AARS1: variants seen among roughly 807,000 people sequenced by gnomAD.
The protein encoded by AARS1 is alanyl-tRNA synthetase 1, also known as alanine--tRNA ligase, cytoplasmic.
A neutral mutation model predicts 108.9 loss-of-function variants in AARS1; 72 were observed. The ratio of observed to expected loss-of-function variants is 0.66; its 90% CI spans 0.55 to 0.80. The LOEUF is 0.80. AARS1 is among the 30% of genes least tolerant of loss of function. The probability of loss-of-function intolerance (pLI) is 0.00; values close to 1 mark genes in which losing one functional copy is unlikely to be tolerated. For synonymous variants in AARS1, 489 were observed against 465.7 expected (o/e 1.05, Z -0.64); for missense variants, 1,193 against 1,233.2 (o/e 0.97, Z 0.49).
chr16:70,272,889 G>GACACACACACACACACACACAC lies in AARS1; in HGVS notation c.480-939_480-918dup, dbSNP rs71928705. ...CATGCCACTGCACTCCAGCCTGGGT[G>GACACACACACACACACACACAC]ACACACACACACACACACACACACA... On this transcript the variant is annotated intron_variant, in intron 4 of 20. Coordinates refer to ENST00000261772, the MANE Select transcript of AARS1 (RefSeq NM_001605.3). Among the ~76,000 whole-genome samples, 185 of 140,380 alleles carry GACACACACACACACACACACAC rather than the reference G, an allele frequency of 1.3e-3. 1 individual carries two copies. The highest frequency in any genetic ancestry group is 3.5e-3 in the Middle Eastern group (1 of 282). The allele number at this position is 140,380 out of a possible 152,430, so 92.1% of individuals were successfully genotyped here.
intron 11 of AARS1, among the ~76,000 whole-genome samples, chr16:70,264,463 C>T (rs1002671257): frequency 6.6e-6 from 1 of 151,806 alleles, no homozygotes; most frequent in Admixed American, 6.6e-5. Flanking sequence ...ATTACAGGGG[C>T]ACGCCACCAC....
chr16:70,255,579 G>T, intron 16 of AARS1, 149 bp downstream of exon 16: 1 of 723,270 alleles, frequency 1.4e-6, no homozygotes, highest in South Asian at 1.5e-5. Flanking sequence ...GCCACTCAGG[G>T]GTAGGACACT....
At chr16:70,264,837 A>G in intron 11 of AARS1, 121 bp downstream of exon 11, 1 of 1,250,292 alleles carries the variant, frequency 8.0e-7, no homozygotes, top group Non-Finnish European at 1.2e-6. Context: ...GCGTGACTGT[A>G]CGGCACTCCA....
At chr16:70,265,714 T>C (rs947187542) in intron 9 of AARS1, 52 bp from the exon 10 acceptor site, 27 of 1,607,684 alleles carry the variant, frequency 1.7e-5, no homozygotes, top group Non-Finnish European at 2.3e-5. Flanking sequence ...CCCTTTTCCA[T>C]GCCAAGCCCT....
chr16:70,272,016 G>T, intron 4 of AARS1, 44 bp from the exon 5 acceptor site: 1 of 1,590,006 alleles, frequency 6.3e-7, no homozygotes, highest in East Asian at 2.2e-5. Context: ...CCCCTGACAA[G>T]AGTTCTGCCC....
intron 6 of AARS1, 55 bp downstream of exon 6, chr16:70,270,141 A>C: frequency 3.7e-6 from 6 of 1,604,272 alleles, no homozygotes; most frequent in Non-Finnish European, 5.1e-6. Flanking sequence ...CACTGTTAAG[A>C]GTACAGCCTG....
intron 8 of AARS1, 76 bp from the exon 9 acceptor site, chr16:70,267,885 T>C: frequency 1.9e-6 from 3 of 1,600,624 alleles, no homozygotes; most frequent in African/African-American, 1.3e-5. Context: ...AAAAGCTCCT[T>C]AGCTGGGTGC....
intron 10 of AARS1, chr16:70,265,307 A>T (rs1960236326): frequency 4.4e-6 from 4 of 912,516 alleles, no homozygotes; most frequent in Non-Finnish European, 5.2e-6. Context: ...CCTGGCCTCT[A>T]CCAAGTACGT....
Position 70,265,018 on chromosome 16 carries a change from G to A in AARS1, c.1432C>T (p.Leu478=), listed in dbSNP as rs767099595. ...YAIEELRARG[L]EVTDDSPKYN... is the part of the protein sequence containing the mutation. ...TTTGGGGAATCATCTGTGACCTCCA[G>A]ACCCCGTGCCCGGAGCTCTTCGATA... The change falls in exon 11 of 21, where the codon CTG becomes TTG. Residue 478 remains leucine, a synonymous_variant. Transcript: ENST00000261772. The A allele has an allele frequency of 1.2e-6, 2 of 1,614,174 alleles. No homozygotes were observed.
chr16:70,265,175 T>C (rs916047113), intron 10 of AARS1, 73 bp from the exon 11 acceptor site: 1 of 1,577,864 alleles, frequency 6.3e-7, no homozygotes, highest in African/African-American at 1.3e-5. Context: ...TGGAACTTGC[T>C]AAACTATGCC....
chr16:70,261,253 T>C, intron 12 of AARS1, 96 bp from the exon 13 acceptor site: 2 of 850,964 alleles, frequency 2.4e-6, no homozygotes, highest in Non-Finnish European at 3.8e-6. Context: ...TAACTTCTCT[T>C]TACATATGTA....
At chr16:70,273,838 G>A (rs1960469225) in intron 4 of AARS1, among the ~76,000 whole-genome samples, 2 of 146,196 alleles carry the variant, frequency 1.4e-5, no homozygotes, top group Admixed American at 6.9e-5. Context: ...ACTCCAGCAT[G>A]GGCGACAGAG....
rs1326668375 is a variant in AARS1 at position 70,282,681 on chromosome 16, G to C, written c.83C>G (p.Ser28Trp). 1 of 1,614,124 alleles carries C rather than the reference G, an allele frequency of 6.2e-7. No individual in the cohort carries two copies. The highest frequency in any genetic ancestry group is 1.7e-5 in the Admixed American group (1 of 60,008). ...GTCATCCAATGGGATGGTGGCAGACGAGTGAACATACGTATGCTCGTTCCT... is the reference window on the plus strand; with the variant it reads ...GTCATCCAATGGGATGGTGGCAGACCAGTGAACATACGTATGCTCGTTCCT... ...FKRNEHTYVH[S>W]SATIPLDDPT... The change falls in exon 2 of 21, where the codon TCG becomes TGG. Residue 28 changes from serine to tryptophan, a missense_variant. Coordinates refer to ENST00000261772, the MANE Select transcript of AARS1 (RefSeq NM_001605.3).
Position 70,264,987 on chromosome 16 carries a change from T to A in AARS1, c.1463A>T (p.Asn488Ile). ...LEVTDDSPKY[N>I]YHLDSSGSYV... ...GCTACCACTGGAGTCCAAATGGTAA[T>A]TGTACTTTGGGGAATCATCTGTGAC... Residue 488 changes from asparagine to isoleucine, a missense_variant, in exon 11 of 21, where the codon AAT (asparagine) becomes ATT (isoleucine). By Grantham distance (149) the Asn-to-Ile change is moderately radical. Transcript: ENST00000261772. The A allele has an allele frequency of 1.2e-6, 2 of 1,614,074 alleles. No individual in the cohort carries two copies. Among genetic ancestry groups the A allele is most frequent in the Non-Finnish European group, 1.7e-6 (2 of 1,180,006 alleles).
At chr16:70,275,017 T>C (rs1284591529) in intron 4 of AARS1, among the ~76,000 whole-genome samples, 4 of 152,064 alleles carry the variant, frequency 2.6e-5, no homozygotes, top group Admixed American at 2.6e-4. Flanking sequence ...CCTAGCACTT[T>C]GGGAGGCCAA....
At chr16:70,282,565 G>T in intron 2 of AARS1, 55 bp downstream of exon 2, 2 of 1,605,978 alleles carry the variant, frequency 1.2e-6, no homozygotes, top group Non-Finnish European at 1.7e-6. Context: ...CTTTTATCTG[G>T]GCTCTGCTGC....
chr16:70,287,182 G>C (rs1413067902), intron 1 of AARS1, among the ~76,000 whole-genome samples: 3 of 146,712 alleles, frequency 2.0e-5, no homozygotes, highest in Non-Finnish European at 4.5e-5. Context: ...GTGAACCCGG[G>C]AGGCGGAGCT....
At chr16:70,257,286 G>A (rs1960014926) in intron 15 of AARS1, among the ~76,000 whole-genome samples, 1 of 152,030 alleles carries the variant, frequency 6.6e-6, no homozygotes, top group Non-Finnish European at 1.5e-5. Context: ...GGGCATGGGG[G>A]CACATGCCTA....
chr16:70,254,494 A>T (rs1309191608), intron 17 of AARS1, 127 bp downstream of exon 17: 1 of 733,020 alleles, frequency 1.4e-6, no homozygotes, highest in East Asian at 2.7e-5. Flanking sequence ...CTACAGGACA[A>T]CAGAAGTCAG....
Sources: allele counts gnomAD v4.1 joint callset (sites outside exome capture counted in the v4.1 genomes callset), GRCh38; gene constraint gnomAD v4.1.1; transcripts MANE v1.5; gene names NCBI Gene and HGNC (gene_info 2026-07-23, HGNC 2026-07-21).